The following TEAD3 variants were observed in gnomAD, a reference collection of about 807,000 sequenced individuals.
TEAD3 encodes the protein TEA domain transcription factor 3.
Under a neutral mutation model 55.6 loss-of-function variants are expected in TEAD3, and 15 were observed. The ratio of observed to expected loss-of-function variants is 0.27; its 90% confidence interval spans 0.18 to 0.42. The LOEUF (loss-of-function observed/expected upper bound fraction) is 0.42, where lower values mean the gene tolerates loss of function less well. TEAD3 is among the 10% of genes least tolerant of loss of function. The pLI is 1.00. For missense variants in TEAD3, 407 were observed against 576.8 expected (o/e 0.71, Z 3.01); for synonymous variants, 210 against 232.2 (o/e 0.90, Z 0.87).
chr6:35,474,737 C>T, downstream of TEAD3: 1 of 320,674 alleles, frequency 3.1e-6, no homozygotes, highest in Non-Finnish European at 5.8e-6. Flanking sequence ...ATGCTGGAGG[C>T]TGAAGGTGTC....
At chr6:35,473,709 A>G (rs1365299807), downstream of TEAD3, 2 of 148,688 alleles carry the variant, frequency 1.3e-5, no homozygotes, top group African/African-American at 5.0e-5. Flanking sequence ...TTTATGATAT[A>G]ACCCATCACA....
intron 1 of TEAD3, among the ~76,000 whole-genome samples, chr6:35,490,190 C>G (rs1383540674): frequency 6.6e-6 from 1 of 152,168 alleles, no homozygotes; most frequent in Non-Finnish European, 1.5e-5. Context: ...AGGCTGTGGC[C>G]CCCCCTTCTT....
chr6:35,493,020 C>T (rs934798967), intron 1 of TEAD3, among the ~76,000 whole-genome samples: 7 of 152,066 alleles, frequency 4.6e-5, no homozygotes, highest in Non-Finnish European at 8.8e-5. Flanking sequence ...GCCCACTGGG[C>T]TCCCACCAGC....
At chr6:35,477,244 T>C in intron 8 of TEAD3, 67 bp downstream of exon 8, 7 of 1,559,516 alleles carry the variant, frequency 4.5e-6, no homozygotes, top group Admixed American at 3.4e-5. Context: ...ACACACACAG[T>C]TGGACCCCAG....
exon 6 of TEAD3, chr6:35,478,563 G>T: frequency 1.3e-6 from 2 of 1,590,874 alleles, no homozygotes; most frequent in Non-Finnish European, 1.7e-6. Context: ...TGTCCTTGGA[G>T]ACCTGGTCCT....
rs762825473 is a variant in TEAD3, at chr6:35,475,286, T to C, written c.1194+50A>G. 2.4e-5 allele frequency: 39 copies of C among 1,607,574 alleles called. No homozygotes were observed. The East Asian group carries it at 2.7e-4, about 11-fold the overall frequency. On this transcript the variant is annotated intron_variant, in intron 12 of 12. Transcript: ENST00000639578. The surrounding 1 kb of genome is among the most constrained non-coding windows in gnomAD (Gnocchi z 5.4). ...CAAGCGATGTGTCTGGCTACCCAAC[T>C]TGGAGGCCCTGGCCTGTGGGACTCC...
At chr6:35,478,678 G>T in intron 5 of TEAD3, 107 bp from the exon 6 acceptor site, 1 of 1,397,228 alleles carries the variant, frequency 7.2e-7, no homozygotes, top group Non-Finnish European at 9.5e-7. Flanking sequence ...AGGATGGCAG[G>T]TGTTCCTGAA....
At chr6:35,476,578 G>T in intron 8 of TEAD3, 143 bp from the exon 9 acceptor site, 1 of 867,930 alleles carries the variant, frequency 1.2e-6, no homozygotes. Flanking sequence ...CTTGTACAGT[G>T]TACAACCTGC....
Position 35,488,787 on chromosome 6 carries a change from G to A in TEAD3, c.-49-2076C>T, listed in dbSNP as rs1372946855. ...CGCCCAGGCTAGAGTGCAATGGCGC[G>A]ATCTCTGCTCACCGCAACCTCCACC... On this transcript the variant is annotated intron_variant, in intron 1 of 12. Coordinates refer to ENST00000639578, the Ensembl canonical transcript of TEAD3. The surrounding 1 kb of genome is among the most constrained non-coding windows in gnomAD (Gnocchi z 4.2). Among the ~76,000 whole-genome samples, 3 of 152,036 alleles carry A rather than the reference G, an allele frequency of 2.0e-5. No homozygotes were observed. Among genetic ancestry groups the A allele is most frequent in the Non-Finnish European group, 2.9e-5 (2 of 68,004 alleles).
Position 35,486,199 on chromosome 6 carries a change from T to A in TEAD3, c.202+262A>T, listed in dbSNP as rs948647580. On this transcript the variant is annotated intron_variant, in intron 2 of 12. Transcript: ENST00000639578. This position sits in a 1 kb window ranked among gnomAD's most constrained non-coding sequence, Gnocchi z 7.3. ...GACCCACTTTCTTGGGCCCACTGAG[T>A]CACCTCGAAACCTCCAGGCCGGTAG... is the stretch of plus-strand genomic sequence containing the variant. 6.6e-6 allele frequency among the ~76,000 whole-genome samples: 1 copy of A among 152,062 alleles called. No homozygotes were observed. The highest frequency in any genetic ancestry group is 1.5e-5 in the Non-Finnish European group (1 of 67,978).
At chr6:35,495,931 C>T (rs1004722497) in intron 1 of TEAD3, among the ~76,000 whole-genome samples, 2 of 152,224 alleles carry the variant, frequency 1.3e-5, no homozygotes, top group Non-Finnish European at 2.9e-5. Context: ...CTGAGAAGTC[C>T]GCCCCAAGGC....
At position 35,488,070 on chromosome 6, in the gene TEAD3, C is replaced by T. The variant is rs895105458; in HGVS notation, c.-49-1359G>A. ...GGCACCATTTTATCTTCCCCCAAAT[C>T]GATAACTAACCAGAACTCTGCCAAG... On this transcript the variant is annotated intron_variant, in intron 1 of 12. Coordinates refer to ENST00000639578, the Ensembl canonical transcript of TEAD3. The surrounding 1 kb of genome is among the most constrained non-coding windows in gnomAD (Gnocchi z 4.2). Among the ~76,000 whole-genome samples, 3 of 152,084 alleles carry T rather than the reference C, an allele frequency of 2.0e-5. No homozygotes were observed. The highest frequency in any genetic ancestry group is 2.0e-4 in the Admixed American group (3 of 15,278).
At chr6:35,492,173 A>G (rs934211369) in intron 1 of TEAD3, among the ~76,000 whole-genome samples, 1 of 152,216 alleles carries the variant, frequency 6.6e-6, no homozygotes, top group African/African-American at 2.4e-5. Flanking sequence ...GAGTGAGAAC[A>G]TCACTCAAAA....
In TEAD3 at chr6:35,475,232, T is replaced by G. The variant is rs1768118263; in HGVS notation, c.1195-75A>C. 1 of 1,588,258 alleles carries G rather than the reference T, an allele frequency of 6.3e-7. No individual in the cohort carries two copies. On this transcript the variant is annotated intron_variant, in intron 12 of 12. Transcript: ENST00000639578. The surrounding 1 kb of genome is among the most constrained non-coding windows in gnomAD (Gnocchi z 5.4). ...ACGGGGCAGGGGGCTGAACAGACCA[T>G]TCTCCTTTCCGGATCTATGCCTCTC...
intron 1 of TEAD3, among the ~76,000 whole-genome samples, chr6:35,493,134 T>C (rs1768566186): frequency 6.6e-6 from 1 of 152,192 alleles, no homozygotes; most frequent in Admixed American, 6.5e-5. Flanking sequence ...TCACAGCCAC[T>C]GTCCTGCTCA....
At chr6:35,478,413 C>G (rs1278068519) in intron 6 of TEAD3, 21 bp downstream of exon 6, 2 of 1,613,584 alleles carry the variant, frequency 1.2e-6, no homozygotes, top group African/African-American at 1.3e-5. Flanking sequence ...CACACCAGCC[C>G]ACCTCCTGGG....
At chr6:35,480,199 G>C (rs1297103006) in intron 3 of TEAD3, 113 bp downstream of exon 4, 3 of 1,553,386 alleles carry the variant, frequency 1.9e-6, no homozygotes, top group African/African-American at 2.7e-5. Flanking sequence ...AGCCAGAAAA[G>C]AGGCACAGTG....
chr6:35,478,530 G>T, exon 6 of TEAD3: 2 of 1,605,426 alleles, frequency 1.2e-6, no homozygotes, highest in East Asian at 2.3e-5. Context: ...CAGAGGACAT[G>T]GACGCCATGC....
In TEAD3 at chr6:35,483,713, T is replaced by C. The variant is rs1768309272; in HGVS notation, c.267+847A>G. ...TCCATACCCTCCTGTAGCCCACCGC[T>C]GCCCCTTGGGGAACCTGTCCCCCAT... On this transcript the variant is annotated intron_variant, in intron 3 of 12. Transcript: ENST00000639578. The surrounding 1 kb of genome is among the most constrained non-coding windows in gnomAD (Gnocchi z 4.5). Among the ~76,000 whole-genome samples the C allele has an allele frequency of 6.6e-6, 1 of 152,118 alleles. No individual in the cohort carries two copies. The highest frequency in any genetic ancestry group is 1.5e-5 in the Non-Finnish European group (1 of 68,022).
Sources: allele counts gnomAD v4.1 joint callset (sites outside exome capture counted in the v4.1 genomes callset), GRCh38; gene constraint gnomAD v4.1.1; non-coding constraint Gnocchi (gnomAD v3.1); transcripts MANE v1.5; gene names NCBI Gene and HGNC (gene_info 2026-07-23, HGNC 2026-07-21).